The following MLF1 variants were observed in gnomAD, a reference collection of about 807,000 sequenced individuals.
The protein encoded by MLF1 is myelodysplasia-myeloid leukemia factor 1.
MLF1 carries 37 observed loss-of-function variants against 38.3 expected under a neutral mutation model. The observed-to-expected ratio is 0.96, with a 90% CI of 0.74 to 1.27. The LOEUF (loss-of-function observed/expected upper bound fraction) is 1.27, where lower values mean the gene tolerates loss of function less well. MLF1 is among the 50% of genes most tolerant of loss of function. The pLI, the probability that MLF1 is intolerant of heterozygous loss-of-function variation, is 0.00. For synonymous variants in MLF1, 95 were observed against 106.5 expected, an observed-to-expected ratio of 0.89 and a Z score of 0.66; for missense variants, 331 against 349.2, an observed-to-expected ratio of 0.95 and a Z score of 0.42.
chr3:158,586,164 CAAA>C (rs11297914), intron 1 of MLF1, among the ~76,000 whole-genome samples: 2 of 125,140 alleles, frequency 1.6e-5, no homozygotes, highest in Non-Finnish European at 1.7e-5. Context: ...AACTCTGTCT[CAAA>C]AAAAAAAAAA....
At position 158,596,946 on chromosome 3, in the gene MLF1, G is replaced by A. The variant is rs747654538; in HGVS notation, c.324+1G>A. ...TATGCAGAAATTAGAAAGAAACTTC[G>A]TAAGTACTAAAAACAAAGCATTGAG... On this transcript the variant is annotated splice_donor_variant, in intron 4 of 7. Transcript: ENST00000466246. LOFTEE classifies it high-confidence loss of function. 5.0e-5 allele frequency: 79 copies of A among 1,578,278 alleles called. No homozygotes were observed. Among genetic ancestry groups the A allele is most frequent in the Admixed American group, 6.8e-5 (4 of 59,180 alleles).
intron 1 of MLF1, among the ~76,000 whole-genome samples, chr3:158,589,248 A>G (rs1008143535): frequency 6.6e-6 from 1 of 151,912 alleles, no homozygotes; most frequent in Admixed American, 6.6e-5. Context: ...GTCTCACCCT[A>G]TTGCCTAGGC....
In MLF1 at chr3:158,605,578, TA is replaced by T. The variant is rs1408070318; in HGVS notation, c.*382del. The T allele has an allele frequency of 5.0e-6, 1 of 201,024 alleles. No homozygotes were observed. Among genetic ancestry groups the T allele is most frequent in the East Asian group, 7.9e-5 (1 of 12,622 alleles). 12.5% of individuals were successfully genotyped at this position (201,024 alleles called of 1,614,324 possible). ...AATTAGTTATAAGAAATTATAATGTTAAAAAAGTCTCAGTTTTTACTAACAC... is the reference window on the plus strand; with the variant it reads ...AATTAGTTATAAGAAATTATAATGTTAAAAAGTCTCAGTTTTTACTAACAC... On this transcript the variant is annotated 3_prime_UTR_variant, in exon 8 of 8. Transcript: ENST00000466246.
At chr3:158,587,970 C>T (rs1489268569) in intron 1 of MLF1, among the ~76,000 whole-genome samples, 2 of 152,114 alleles carry the variant, frequency 1.3e-5, no homozygotes, top group African/African-American at 2.4e-5. Context: ...CACTGCACTC[C>T]AGTCTGGGTG....
chr3:158,577,493 T>C (rs1164495896), intron 1 of MLF1, among the ~76,000 whole-genome samples: 1 of 152,210 alleles, frequency 6.6e-6, no homozygotes, highest in Non-Finnish European at 1.5e-5. Flanking sequence ...AAGTTACTTA[T>C]TTTCAAGGTC....
At chr3:158,602,017 C>T (rs151115828) in intron 6 of MLF1, among the ~76,000 whole-genome samples, 21 of 151,912 alleles carry the variant, frequency 1.4e-4, no homozygotes, top group African/African-American at 4.8e-4. Context: ...GTGGTTTCAC[C>T]ATGTTAGCCA....
chr3:158,604,935 CA>C (rs1465682719), intron 7 of MLF1, among the ~76,000 whole-genome samples, 161 bp from the exon 8 acceptor site: 1 of 152,170 alleles, frequency 6.6e-6, no homozygotes, highest in African/African-American at 2.4e-5. Flanking sequence ...GGATTACAGG[CA>C]TGAGCCACCG....
rs1213323575 is a variant in MLF1 at position 158,592,561 on chromosome 3, G to C, written c.175G>C (p.Asp59His). The change falls in exon 2 of 8, where the codon GAT (aspartate) becomes CAT (histidine). Residue 59 changes from aspartate to histidine, a missense_variant. Physicochemically the swap from Asp to His is moderately conservative, Grantham distance 81. Coordinates refer to ENST00000466246, the MANE Select transcript of MLF1 (RefSeq NM_001369783.1). ...GRAHNRRGHN[D>H]GEDSLTATSC... is the part of the protein sequence containing the mutation. Reference sequence around the variant, plus strand: ...AGCTCATAATCGTAGAGGACATAATGATGGTGAAGATTCTTTGACTGTAAG... The same window carrying C: ...AGCTCATAATCGTAGAGGACATAATCATGGTGAAGATTCTTTGACTGTAAG... 17 of 1,608,134 alleles carry C rather than the reference G, an allele frequency of 1.1e-5. No homozygotes were observed. Among genetic ancestry groups the C allele is most frequent in the Middle Eastern group, 3.3e-4 (2 of 6,062 alleles).
chr3:158,575,709 T>G (rs1375381566), intron 1 of MLF1, among the ~76,000 whole-genome samples: 1 of 152,140 alleles, frequency 6.6e-6, no homozygotes, highest in Non-Finnish European at 1.5e-5. Context: ...TGTTTAATGG[T>G]GAGTTGGTGT....
At position 158,596,916 on chromosome 3, in the gene MLF1, A is replaced by C. The variant is rs1400406421; in HGVS notation, c.295A>C (p.Asn99His). The part of the protein sequence containing the change: ...TMDQMVSNMR[N>H]YMQKLERNFG... ...GGACCAAATGGTGTCAAATATGAGA[A>C]ACTATATGCAGAAATTAGAAAGAAA... The change falls in exon 4 of 8, where the codon AAC (asparagine) becomes CAC (histidine). Residue 99 changes from asparagine (N) to histidine (H), a missense_variant. Coordinates refer to ENST00000466246, the MANE Select transcript of MLF1 (RefSeq NM_001369783.1). The C allele has an allele frequency of 6.2e-7, 1 of 1,608,986 alleles. No homozygotes were observed. Among genetic ancestry groups the C allele is most frequent in the South Asian group, 1.1e-5 (1 of 90,506 alleles).
At chr3:158,571,495 C>T (rs1293935853) in intron 1 of MLF1, 148 bp downstream of exon 1, 13 of 901,438 alleles carry the variant, frequency 1.4e-5, no homozygotes, top group East Asian at 2.6e-5. Flanking sequence ...GATTTGGAGG[C>T]CTGGGAGGGA....
Position 158,605,311 on chromosome 3 carries a change from G to A in MLF1, c.*109G>A. On this transcript the variant is annotated 3_prime_UTR_variant, in exon 8 of 8. Coordinates refer to ENST00000466246, the MANE Select transcript of MLF1 (RefSeq NM_001369783.1). ...TGCTGTTAAATCAGTTCTGTCCTTGGCAACTTTCTTCTGATATCTGAATGT... is the reference window on the plus strand; with the variant it reads ...TGCTGTTAAATCAGTTCTGTCCTTGACAACTTTCTTCTGATATCTGAATGT... 1.4e-6 allele frequency: 1 copy of A among 735,348 alleles called. No individual in the cohort carries two copies. Among genetic ancestry groups the A allele is most frequent in the Non-Finnish European group, 2.1e-6 (1 of 469,276 alleles). The allele number at this position is 735,348 out of a possible 1,614,324, so 45.6% of individuals were successfully genotyped here. A position where few individuals can be genotyped will look rare whatever the true frequency, so the allele number is the denominator to read the frequency against.
chr3:158,571,922 G>A (rs1203951856), intron 1 of MLF1, among the ~76,000 whole-genome samples: 2 of 26,274 alleles, frequency 7.6e-5, no homozygotes, highest in African/African-American at 2.1e-4. Flanking sequence ...CGTGAGGTGG[G>A]GGGAGGAGGG....
chr3:158,601,018 A>G (rs1576689652), intron 6 of MLF1, among the ~76,000 whole-genome samples: 1 of 151,752 alleles, frequency 6.6e-6, no homozygotes, highest in African/African-American at 2.4e-5. Flanking sequence ...TTTATATTTA[A>G]TTGTATTAAT....
chr3:158,596,982 A>G, intron 4 of MLF1, 37 bp downstream of exon 4: 2 of 1,301,018 alleles, frequency 1.5e-6, no homozygotes, highest in Non-Finnish European at 2.2e-6. Context: ...AACATTGTGT[A>G]TACTTTGATA....
At chr3:158,571,593 G>A (rs747631839) in intron 1 of MLF1, among the ~76,000 whole-genome samples, 1 of 134,312 alleles carries the variant, frequency 7.4e-6, no homozygotes, top group African/African-American at 2.9e-5. Context: ...GGACGCGTGA[G>A]GTAGGCGGAG....
intron 6 of MLF1, among the ~76,000 whole-genome samples, chr3:158,601,007 T>A (rs1719667580): frequency 6.6e-6 from 1 of 151,722 alleles, no homozygotes; most frequent in Non-Finnish European, 1.5e-5. Flanking sequence ...AATATTAAGC[T>A]TTTATATTTA....
intron 1 of MLF1, 132 bp from the exon 2 acceptor site, chr3:158,592,300 AAT>A: frequency 1.5e-6 from 1 of 668,932 alleles, no homozygotes. Context: ...TTATGAATAA[AAT>A]AGAGTTCTCT....
chr3:158,592,360 T>A, intron 1 of MLF1, 74 bp from the exon 2 acceptor site: 1 of 1,296,974 alleles, frequency 7.7e-7, no homozygotes. Flanking sequence ...AATAATTATT[T>A]GTAATATTTA....
Sources: allele counts gnomAD v4.1 joint callset (sites outside exome capture counted in the v4.1 genomes callset), GRCh38; gene constraint gnomAD v4.1.1; transcripts MANE v1.5; gene names NCBI Gene and HGNC (gene_info 2026-07-23, HGNC 2026-07-21).